HERC2: variants seen among roughly 807,000 people sequenced by gnomAD.
HERC2 encodes HECT and RLD domain containing E3 ubiquitin protein ligase 2.
Under a neutral mutation model 537.7 loss-of-function variants are expected in HERC2, and 102 were observed. The observed-to-expected ratio is 0.19, with a 90% CI of 0.16 to 0.22. HERC2 has a LOEUF of 0.22. Ranked by LOEUF, HERC2 falls within the 10% of genes least tolerant of loss-of-function variation. The probability of loss-of-function intolerance (pLI) is 1.00; values close to 1 mark genes in which losing one functional copy is unlikely to be tolerated. For synonymous variants in HERC2, 2,224 were observed against 2,466.2 expected, an observed-to-expected ratio of 0.90 and a Z score of 2.91; for missense variants, 4,236 against 6,198.2, an observed-to-expected ratio of 0.68 and a Z score of 10.63.
Position 28,301,798 on chromosome 15 carries a change from TAAC to T in HERC2, c.73-2285_73-2283del, listed in dbSNP as rs1266081283. On this transcript the variant is annotated intron_variant, in intron 2 of 92. Coordinates refer to ENST00000261609, the MANE Select transcript of HERC2 (RefSeq NM_004667.6). ...ATATATATGGGTTATATATTCTATC[TAAC>T]TTTTTTTTTTTTTTTTTTGAGACGG... Among the ~76,000 whole-genome samples the T allele has an allele frequency of 3.8e-4, 24 of 62,748 alleles. 1 individual carries two copies. The highest frequency in any genetic ancestry group is 1.4e-3 in the African/African-American group (23 of 16,144). The allele number at this position is 62,748 out of a possible 152,430, so 41.2% of individuals were successfully genotyped here.
At chr15:28,136,871 C>T (rs1004468561) in intron 78 of HERC2, among the ~76,000 whole-genome samples, 6 of 151,924 alleles carry the variant, frequency 3.9e-5, no homozygotes, top group African/African-American at 9.7e-5. Context: ...AATTAACCAA[C>T]GAAAGAATTT....
chr15:28,228,155 G>T lies in HERC2; in HGVS notation c.5464+63C>A. 2.6e-5 allele frequency: 33 copies of T among 1,286,004 alleles called. 1 individual carries two copies. Among genetic ancestry groups the T allele is most frequent in the South Asian group, 6.9e-5 (5 of 72,438 alleles). 79.7% of individuals were successfully genotyped at this position (1,286,004 alleles called of 1,614,324 possible). On this transcript the variant is annotated intron_variant, in intron 35 of 92. Coordinates refer to ENST00000261609, the MANE Select transcript of HERC2 (RefSeq NM_004667.6). Reference sequence around the variant, plus strand: ...AAAAAAAAAAAAAAAGAAAAGAAAAGAAAAGAAATCAAAGCAAAATCTTGA... The same window carrying T: ...AAAAAAAAAAAAAAAGAAAAGAAAATAAAAGAAATCAAAGCAAAATCTTGA...
chr15:28,274,952 G>A lies in HERC2; in HGVS notation c.596C>T (p.Ala199Val), dbSNP rs778576448. The change falls in exon 6 of 93, where the codon GCG (alanine) becomes GTG (valine). Residue 199 changes from alanine to valine, a missense_variant. Ala to Val is a moderately conservative substitution (Grantham distance 64). Coordinates refer to ENST00000261609, the MANE Select transcript of HERC2 (RefSeq NM_004667.6). ...GAAGGCAAAGGCAAAAGACAGCGCC[G>A]CTCGGGATCCCACTCTGGCGAGCCC... ...VEGLARVGSR[A>V]ALSFAFAFLR... 3.7e-6 allele frequency: 6 copies of A among 1,610,294 alleles called. No individual in the cohort carries two copies. Among genetic ancestry groups the A allele is most frequent in the Non-Finnish European group, 4.2e-6 (5 of 1,179,944 alleles).
Position 28,264,940 on chromosome 15 carries a change from C to T in HERC2, c.1870+678G>A, listed in dbSNP as rs573473135. On this transcript the variant is annotated intron_variant, in intron 14 of 92. Coordinates refer to ENST00000261609, the MANE Select transcript of HERC2 (RefSeq NM_004667.6). ...GCAGGACCGACATACAGGGAAGTAT[C>T]TAAAATGATTTTTCATCTTTCACCT... 5.9e-5 allele frequency among the ~76,000 whole-genome samples: 9 copies of T among 152,226 alleles called. No individual in the cohort carries two copies. In the East Asian group the frequency reaches 1.7e-3, roughly 30 times the overall value.
At chr15:28,261,814 TA>T (rs2140932346) in intron 15 of HERC2, among the ~76,000 whole-genome samples, 1 of 152,270 alleles carries the variant, frequency 6.6e-6, no homozygotes, top group Admixed American at 6.5e-5. Flanking sequence ...ATCAAAATAT[TA>T]ACCTGCTTTA....
intron 66 of HERC2, 96 bp downstream of exon 66, chr15:28,169,388 A>G (rs1481444862): frequency 1.3e-5 from 11 of 868,642 alleles, no homozygotes; most frequent in Non-Finnish European, 1.8e-5. Flanking sequence ...ATAATACAAC[A>G]TTCTTGGAGA....
At chr15:28,282,353 C>T (rs764280487) in intron 4 of HERC2, among the ~76,000 whole-genome samples, 5 of 151,814 alleles carry the variant, frequency 3.3e-5, no homozygotes, top group Non-Finnish European at 7.4e-5. Context: ...AGAAATACCA[C>T]GATGAAAGAT....
intron 3 of HERC2, among the ~76,000 whole-genome samples, chr15:28,295,406 A>G (rs1386617090): frequency 6.6e-6 from 1 of 152,030 alleles, no homozygotes; most frequent in Admixed American, 6.6e-5. Context: ...GTCTGAAAAC[A>G]GGGAAAGTAT....
At chr15:28,295,308 T>TGTGGG (rs1218567907) in intron 3 of HERC2, among the ~76,000 whole-genome samples, 2 of 79,682 alleles carry the variant, frequency 2.5e-5, no homozygotes, top group African/African-American at 9.5e-5. Flanking sequence ...TACATGTGTG[T>TGTGGG]GGGGGGGGGG....
intron 4 of HERC2, among the ~76,000 whole-genome samples, chr15:28,291,823 T>C (rs556759096): frequency 2.9e-5 from 4 of 137,672 alleles, no homozygotes; most frequent in Admixed American, 8.6e-5. Context: ...GAGAATGGCA[T>C]GAACCCGGGA....
chr15:28,128,816 A>G (rs993705205), intron 83 of HERC2, among the ~76,000 whole-genome samples: 2 of 152,070 alleles, frequency 1.3e-5, no homozygotes, highest in African/African-American at 4.8e-5. Context: ...ATTCAGACAC[A>G]GCTCAGTTCT....
Position 28,218,627 on chromosome 15 carries a change from A to T in HERC2, c.5890T>A (p.Phe1964Ile). The T allele has an allele frequency of 6.3e-7, 1 of 1,589,450 alleles. No homozygotes were observed. The highest frequency in any genetic ancestry group is 8.5e-7 in the Non-Finnish European group (1 of 1,171,824). ...ERNIHPTAMM[F>I]TSTINLLQTL... ...TGCAGTAAGTTAATAGTGCTGGTAA[A>T]CATCATTGCAGTGGGGTGAATGTTC... Residue 1964 changes from phenylalanine (F) to isoleucine (I), a missense_variant, in exon 38 of 93, where the codon TTT becomes ATT. Transcript: ENST00000261609.
chr15:28,214,062 G>C lies in HERC2; in HGVS notation c.6555+14C>G, dbSNP rs200226171. 6.2e-7 allele frequency: 1 copy of C among 1,613,714 alleles called. No individual in the cohort carries two copies. ...CACCGTTGAACTAAATTAATTCTGA[G>C]AACACAAACCCACCCCTTCGGAAGG... is the stretch of plus-strand genomic sequence containing the variant. On this transcript the variant is annotated intron_variant, in intron 41 of 92. Coordinates refer to ENST00000261609, the MANE Select transcript of HERC2 (RefSeq NM_004667.6).
intron 38 of HERC2, among the ~76,000 whole-genome samples, chr15:28,217,065 T>C (rs1223907077): frequency 6.6e-6 from 1 of 151,274 alleles, no homozygotes; most frequent in Non-Finnish European, 1.5e-5. Flanking sequence ...AAGGCACTCA[T>C]ACACATTTAC....
chr15:28,262,214 A>G (rs1041500123), intron 15 of HERC2, among the ~76,000 whole-genome samples: 8 of 152,148 alleles, frequency 5.3e-5, no homozygotes, highest in Admixed American at 3.9e-4. Context: ...GTGGTACGGA[A>G]AAGTCCTGTT....
At chr15:28,180,624 T>C (rs1320804080) in intron 57 of HERC2, among the ~76,000 whole-genome samples, 2 of 152,144 alleles carry the variant, frequency 1.3e-5, no homozygotes, top group African/African-American at 2.4e-5. Context: ...ATTCACTCTA[T>C]GTGGGTACAT....
At chr15:28,298,004 ATTGTGT>A (rs2076514832) in intron 3 of HERC2, among the ~76,000 whole-genome samples, 1 of 126,080 alleles carries the variant, frequency 7.9e-6, no homozygotes, top group African/African-American at 3.6e-5. Context: ...TCTGTCAGTT[ATTGTGT>A]GTGTGTGTGT....
Position 28,272,275 on chromosome 15 carries a change from C to T in HERC2, c.1023G>A (p.Leu341=). The T allele has an allele frequency of 6.2e-6, 10 of 1,612,146 alleles. No homozygotes were observed. Among genetic ancestry groups the T allele is most frequent in the Non-Finnish European group, 8.5e-6 (10 of 1,179,280 alleles). Residue 341 remains leucine (L), a synonymous_variant, in exon 9 of 93, where the codon CTG becomes CTA. Coordinates refer to ENST00000261609, the MANE Select transcript of HERC2 (RefSeq NM_004667.6). ...QGTSAPLLPL[L]QRFQSIICRK... ...TGCAAATGATGCTCTGGAACCTTTGCAGCAAGGGCAAAAGTGGGGCGCTGG... is the reference window on the plus strand; with the variant it reads ...TGCAAATGATGCTCTGGAACCTTTGTAGCAAGGGCAAAAGTGGGGCGCTGG...
chr15:28,149,383 A>C (rs1311068949), intron 70 of HERC2, among the ~76,000 whole-genome samples: 4 of 151,812 alleles, frequency 2.6e-5, no homozygotes, highest in Non-Finnish European at 4.4e-5. Context: ...CTAACCGAGA[A>C]CGTCACCGAG....
Sources: gnomAD v4.1 joint callset for allele counts (sites outside exome capture counted in the v4.1 genomes callset) on GRCh38, gnomAD v4.1.1 for gene constraint, MANE v1.5 for transcripts, NCBI Gene and HGNC (gene_info 2026-07-23, HGNC 2026-07-21) for gene names.